The following CCAR2 variants were observed in gnomAD, a reference collection of about 807,000 sequenced individuals.
The protein encoded by CCAR2 is cell cycle and apoptosis regulator protein 2.
CCAR2 carries 21 observed loss-of-function variants against 108.1 expected under a neutral mutation model. The observed-to-expected ratio is 0.19, with a 90% confidence interval of 0.14 to 0.28. The LOEUF is 0.28. Ranked by LOEUF, CCAR2 falls within the 10% of genes least tolerant of loss-of-function variation. CCAR2 has a pLI of 1.00. For synonymous variants in CCAR2, 577 were observed against 472.8 expected (o/e 1.22, Z -2.86); for missense variants, 1,126 against 1,177.0 (o/e 0.96, Z 0.63).
chr8:22,618,555 G>A (rs560084257), intron 17 of CCAR2, 60 bp downstream of exon 17: 7 of 1,614,050 alleles, frequency 4.3e-6, no homozygotes, highest in African/African-American at 2.7e-5. Context: ...CCTGCTCTAG[G>A]TTCCCGCCCA....
chr8:22,606,150 C>T lies in CCAR2; in HGVS notation c.124C>T (p.Leu42=). The change falls in exon 3 of 21, where the codon CTG becomes TTG. Residue 42 remains leucine, a synonymous_variant. Coordinates refer to ENST00000308511, the MANE Select transcript of CCAR2 (RefSeq NM_001393997.1). ...GLLTPPVATE[L]SQNARHLQGG... ...GCTCACTCCTCCTGTGGCCACAGAA[C>T]TGTCCCAGAATGCCAGGCACCTTCA... 1 of 1,614,136 alleles carries T rather than the reference C, an allele frequency of 6.2e-7. No individual in the cohort carries two copies. The highest frequency in any genetic ancestry group is 8.5e-7 in the Non-Finnish European group (1 of 1,179,958).
chr8:22,621,238 G>C, downstream of CCAR2: 1 of 727,110 alleles, frequency 1.4e-6, no homozygotes. Flanking sequence ...CTGTGAGTGG[G>C]GAGACGGCGG....
chr8:22,620,608 T>TG (rs1801752701), downstream of CCAR2: 1 of 152,194 alleles, frequency 6.6e-6, no homozygotes, highest in Admixed American at 6.5e-5. Context: ...CACACACCCC[T>TG]GGCATGCTGG....
intron 1 of CCAR2, 136 bp from the exon 2 acceptor site, chr8:22,605,600 C>T (rs1302496786): frequency 8.1e-6 from 5 of 616,234 alleles, no homozygotes; most frequent in African/African-American, 1.8e-5. Context: ...ATATTCTCTC[C>T]ATCCATTGCT....
intron 7 of CCAR2, 122 bp from the exon 8 acceptor site, chr8:22,612,894 TG>T: frequency 9.5e-7 from 1 of 1,048,878 alleles, no homozygotes. Context: ...GCTGTTAGCA[TG>T]GATTCTTTTT....
At chr8:22,611,429 T>TATATGTGTGTGTGTATAC (rs1467196249) in intron 7 of CCAR2, among the ~76,000 whole-genome samples, 1 of 148,198 alleles carries the variant, frequency 6.7e-6, no homozygotes, top group Non-Finnish European at 1.5e-5. Context: ...TATGTGTGTA[T>TATATGTGTGTGTGTATAC]ATATGTGTGT....
intron 7 of CCAR2, among the ~76,000 whole-genome samples, chr8:22,611,543 A>G (rs891020123): frequency 2.6e-5 from 4 of 152,008 alleles, no homozygotes; most frequent in African/African-American, 4.8e-5. Context: ...GTATTAAAGA[A>G]TTTTAGAAAA....
rs752109355 is a variant in CCAR2 at position 22,614,122 on chromosome 8, C to T, written c.735C>T (p.Arg245=). 6.2e-7 allele frequency: 1 copy of T among 1,614,068 alleles called. No individual in the cohort carries two copies. Among genetic ancestry groups the T allele is most frequent in the Non-Finnish European group, 8.5e-7 (1 of 1,180,040 alleles). ...TCTGTGACTTCCTAGAACTCCAGCGCCGTTACCGCAGCCTCCTGGTCCCCT... is the reference window on the plus strand; with the variant it reads ...TCTGTGACTTCCTAGAACTCCAGCGTCGTTACCGCAGCCTCCTGGTCCCCT... ...SPICDFLELQ[R]RYRSLLVPSD... The change falls in exon 9 of 21, where the codon CGC becomes CGT. Residue 245 remains arginine, a synonymous_variant. Coordinates refer to ENST00000308511, the MANE Select transcript of CCAR2 (RefSeq NM_001393997.1).
At position 22,614,415 on chromosome 8, in the gene CCAR2, T is replaced by TG; in HGVS notation, c.955dup (p.Glu319GlyfsTer13). The TG allele has an allele frequency of 6.2e-7, 1 of 1,614,034 alleles. No individual in the cohort carries two copies. Among genetic ancestry groups the TG allele is most frequent in the Non-Finnish European group, 8.5e-7 (1 of 1,179,978 alleles). On this transcript the variant is annotated frameshift_variant, in exon 10 of 21. Coordinates refer to ENST00000308511, the MANE Select transcript of CCAR2 (RefSeq NM_001393997.1). LOFTEE classifies it high-confidence loss of function. ...GTACTGCTGCTCTCTTCCCCGGGGT[T>TG]GGAGGAATTGTATCGTTGTTGCATG...
chr8:22,604,873 G>A (rs1801000498), intron 1 of CCAR2, 31 bp downstream of exon 1: 1 of 442,524 alleles, frequency 2.3e-6, no homozygotes, highest in Non-Finnish European at 4.5e-6. Flanking sequence ...CCGCCCCTCT[G>A]CCCCTTCGCC....
At chr8:22,614,576 CTCCTGT>C in intron 10 of CCAR2, 73 bp downstream of exon 10, 1 of 1,380,754 alleles carries the variant, frequency 7.2e-7, no homozygotes, top group East Asian at 2.3e-5. Flanking sequence ...GAGTGTTCGG[CTCCTGT>C]TCCTGAATGC....
In CCAR2 at chr8:22,607,163, G is replaced by T. The variant is rs1259964443; in HGVS notation, c.358-33G>T. ...AAGGTAGTGAGTGCCTCAACCATGG[G>T]GTCCCCTGAATTTCCTGGCTCCTGT... is the stretch of plus-strand genomic sequence containing the variant. On this transcript the variant is annotated intron_variant, in intron 5 of 20. Coordinates refer to ENST00000308511, the MANE Select transcript of CCAR2 (RefSeq NM_001393997.1). 5.0e-6 allele frequency: 8 copies of T among 1,612,444 alleles called. No homozygotes were observed. The South Asian group carries it at 8.8e-5, about 18-fold the overall frequency.
intron 10 of CCAR2, 96 bp from the exon 11 acceptor site, chr8:22,614,742 C>CTGCTGCCTTCATCCTGATGGGT (rs71299322): frequency 0.36 from 530,719 of 1,491,866 alleles, 96,526 homozygotes; most frequent in African/African-American, 0.44. Context: ...TCCCCACTTC[C>CTGCTGCCTTCATCCTGATGGGT]GGCTGCCTTC....
chr8:22,609,052 C>CTT lies in CCAR2; in HGVS notation c.584+1002_584+1003dup, dbSNP rs71546822. On this transcript the variant is annotated intron_variant, in intron 7 of 20. Transcript: ENST00000308511. ...ATGTAACCCTTAACCCTTTTTTTTT[C>CTT]TTTTTTTTTTTTTTTTGAGACAAGG... Among the ~76,000 whole-genome samples, 145 of 133,112 alleles carry CTT rather than the reference C, an allele frequency of 1.1e-3. 1 individual carries two copies. Among genetic ancestry groups the CTT allele is most frequent in the South Asian group, 2.9e-3 (12 of 4,176 alleles). 87.3% of individuals were successfully genotyped at this position (133,112 alleles called of 152,430 possible).
At chr8:22,613,751 A>G (rs1437200662) in intron 8 of CCAR2, 1 of 252,086 alleles carries the variant, frequency 4.0e-6, no homozygotes. Context: ...CTGGCCTCTA[A>G]TTCTTATGTA....
At position 22,606,803 on chromosome 8, in the gene CCAR2, TG is replaced by T. The variant is rs1274386241; in HGVS notation, c.242+106del. The T allele has an allele frequency of 8.1e-6, 12 of 1,476,404 alleles. No homozygotes were observed. The African/African-American group carries it at 1.5e-4, about 19-fold the overall frequency. The allele number at this position is 1,476,404 out of a possible 1,614,324, so 91.5% of individuals were successfully genotyped here. A position where few individuals can be genotyped will look rare whatever the true frequency, so the allele number is the denominator to read the frequency against. ...CTCAAAGCCATTGCTTTGCTGTTTT[TG>T]TGCAAGGTGTGGGAAATCTTGATGG... On this transcript the variant is annotated intron_variant, in intron 4 of 20. Coordinates refer to ENST00000308511, the MANE Select transcript of CCAR2 (RefSeq NM_001393997.1).
chr8:22,605,374 G>A (rs1381332468), intron 1 of CCAR2: 2 of 174,972 alleles, frequency 1.1e-5, no homozygotes, highest in African/African-American at 4.8e-5. Flanking sequence ...TCTGGGGGTG[G>A]CGTGGCATAG....
chr8:22,611,028 A>G (rs1331692860), intron 7 of CCAR2, among the ~76,000 whole-genome samples: 1 of 148,650 alleles, frequency 6.7e-6, no homozygotes, highest in Non-Finnish European at 1.5e-5. Context: ...ATGCTATTAT[A>G]TAAAATTAAA....
intron 8 of CCAR2, 36 bp downstream of exon 8, chr8:22,613,172 G>C: frequency 6.6e-7 from 1 of 1,518,106 alleles, no homozygotes; most frequent in Non-Finnish European, 8.9e-7. Context: ...GAGTCTTGCT[G>C]CTGGTAATAG....
Sources: gnomAD v4.1 joint callset for allele counts (sites outside exome capture counted in the v4.1 genomes callset) on GRCh38, gnomAD v4.1.1 for gene constraint, MANE v1.5 for transcripts, NCBI Gene and HGNC (gene_info 2026-07-23, HGNC 2026-07-21) for gene names.